SFMBT1: variants seen among roughly 807,000 people sequenced by gnomAD.
The protein encoded by SFMBT1 is Scm like with four mbt domains 1, also known as scm-like with four MBT domains protein 1.
A neutral mutation model predicts 108.7 loss-of-function variants in SFMBT1; 32 were observed. The ratio of observed to expected loss-of-function variants is 0.29; its 90% CI spans 0.22 to 0.40. The LOEUF is 0.40. Ranked by LOEUF, SFMBT1 falls within the 10% of genes least tolerant of loss-of-function variation. The probability of loss-of-function intolerance (pLI) is 1.00; values close to 1 mark genes in which losing one functional copy is unlikely to be tolerated. For missense variants in SFMBT1, 816 were observed against 1,059.6 expected, an observed-to-expected ratio of 0.77 and a Z score of 3.19; for synonymous variants, 348 against 369.5, an observed-to-expected ratio of 0.94 and a Z score of 0.67.
chr3:52,953,383 G>A (rs903414792), intron 3 of SFMBT1, among the ~76,000 whole-genome samples: 1 of 151,608 alleles, frequency 6.6e-6, no homozygotes, highest in African/African-American at 2.4e-5. Flanking sequence ...AGCCCAGGGG[G>A]TTGAGGCTGC....
intron 7 of SFMBT1, 130 bp from the exon 8 acceptor site, chr3:52,930,560 G>A (rs1350716009): frequency 3.3e-6 from 2 of 613,444 alleles, no homozygotes; most frequent in South Asian, 2.2e-5. Context: ...TTTTAAATGT[G>A]CAAAACTATC....
chr3:52,920,475 G>T, intron 12 of SFMBT1, 62 bp downstream of exon 12: 2 of 1,212,976 alleles, frequency 1.6e-6, no homozygotes, highest in Non-Finnish European at 2.4e-6. Context: ...AGTTTTAATT[G>T]GCAGCAGCCA....
intron 1 of SFMBT1, among the ~76,000 whole-genome samples, chr3:52,973,527 T>C (rs1704417790): frequency 6.6e-6 from 1 of 152,174 alleles, no homozygotes; most frequent in Non-Finnish European, 1.5e-5. Flanking sequence ...TTTTAAGTGG[T>C]ACATCAATAT....
intron 1 of SFMBT1, among the ~76,000 whole-genome samples, chr3:52,984,343 T>C (rs1333997862): frequency 6.6e-6 from 1 of 152,116 alleles, no homozygotes; most frequent in Non-Finnish European, 1.5e-5. Context: ...TCACCCACGA[T>C]GCTTCATTTG....
intron 19 of SFMBT1, 64 bp from the exon 20 acceptor site, chr3:52,906,305 C>T: frequency 6.2e-7 from 1 of 1,609,800 alleles, no homozygotes; most frequent in South Asian, 1.1e-5. Context: ...AAAAAAGTCT[C>T]TCTACCTAAA....
intron 1 of SFMBT1, among the ~76,000 whole-genome samples, chr3:53,000,066 G>T (rs1218655899): frequency 1.3e-5 from 2 of 149,902 alleles, no homozygotes; most frequent in Admixed American, 6.7e-5. Context: ...GTTTCACCGT[G>T]TTAGCCAGGA....
chr3:52,981,766 C>T (rs190562842), intron 1 of SFMBT1, among the ~76,000 whole-genome samples: 1 of 151,880 alleles, frequency 6.6e-6, no homozygotes, highest in Non-Finnish European at 1.5e-5. Context: ...GAAGAAAGTA[C>T]CCGGATTTAA....
chr3:53,015,266 T>C (rs1317325005), intron 1 of SFMBT1, among the ~76,000 whole-genome samples: 2 of 144,186 alleles, frequency 1.4e-5, no homozygotes, highest in Non-Finnish European at 3.1e-5. Context: ...CAATTAAAGC[T>C]ACAAGAATGG....
At chr3:52,959,866 T>C (rs1489464811) in intron 2 of SFMBT1, among the ~76,000 whole-genome samples, 1 of 152,126 alleles carries the variant, frequency 6.6e-6, no homozygotes, top group East Asian at 1.9e-4. Context: ...GTTGTTGTTG[T>C]TGTTGTTGTT....
chr3:52,913,727 T>C, intron 14 of SFMBT1, 110 bp from the exon 15 acceptor site: 1 of 1,182,682 alleles, frequency 8.5e-7, no homozygotes, highest in South Asian at 1.6e-5. Flanking sequence ...TATATTAATA[T>C]AAAGTTTGGA....
At chr3:52,987,100 C>T (rs919357687) in intron 1 of SFMBT1, among the ~76,000 whole-genome samples, 9 of 152,218 alleles carry the variant, frequency 5.9e-5, no homozygotes, top group African/African-American at 2.2e-4. Flanking sequence ...ACATCCTGTC[C>T]CACTGGAAGA....
chr3:53,028,811 G>A (rs1487951103), intron 1 of SFMBT1, among the ~76,000 whole-genome samples: 2 of 152,182 alleles, frequency 1.3e-5, no homozygotes, highest in Non-Finnish European at 2.9e-5. Flanking sequence ...AAGTGCACAA[G>A]TACTCTCAGA....
intron 1 of SFMBT1, among the ~76,000 whole-genome samples, chr3:52,993,511 G>A (rs1408476161): frequency 6.7e-6 from 1 of 149,754 alleles, no homozygotes; most frequent in Non-Finnish European, 1.5e-5. Flanking sequence ...ATAATTCTAG[G>A]CTAATCAATT....
intron 3 of SFMBT1, among the ~76,000 whole-genome samples, chr3:52,951,715 G>T (rs901009279): frequency 1.3e-5 from 2 of 152,236 alleles, no homozygotes; most frequent in Non-Finnish European, 1.5e-5. Flanking sequence ...TGCCCTTAAA[G>T]ACACAGATTG....
chr3:52,925,931 G>A (rs1702643952), intron 10 of SFMBT1, 100 bp downstream of exon 10: 1 of 1,071,960 alleles, frequency 9.3e-7, no homozygotes, highest in African/African-American at 1.6e-5. Flanking sequence ...TCTGGATTAA[G>A]TGAGATGATT....
chr3:53,022,037 G>A (rs991676872), intron 1 of SFMBT1, among the ~76,000 whole-genome samples: 29 of 152,166 alleles, frequency 1.9e-4, no homozygotes, highest in African/African-American at 6.7e-4. Context: ...TCTAGAATTC[G>A]TCTATGGCAT....
chr3:53,036,200 AG>A (rs1263503657), intron 1 of SFMBT1, among the ~76,000 whole-genome samples: 1 of 152,238 alleles, frequency 6.6e-6, no homozygotes, highest in African/African-American at 2.4e-5. Context: ...CCCAAGAGCC[AG>A]CCGCCAGTCC....
At chr3:53,008,886 C>T (rs990380974) in intron 1 of SFMBT1, among the ~76,000 whole-genome samples, 15 of 151,952 alleles carry the variant, frequency 9.9e-5, no homozygotes, top group African/African-American at 3.4e-4. Context: ...GTGCCCACCT[C>T]GGCCTCCCAA....
At chr3:52,979,834 C>T (rs550414607) in intron 1 of SFMBT1, among the ~76,000 whole-genome samples, 2 of 152,300 alleles carry the variant, frequency 1.3e-5, no homozygotes, top group East Asian at 3.9e-4. Context: ...ATTTTGAAAC[C>T]TGCCCTCACG....
Sources: gnomAD v4.1 joint callset for allele counts (sites outside exome capture counted in the v4.1 genomes callset) on GRCh38, gnomAD v4.1.1 for gene constraint, MANE v1.5 for transcripts, NCBI Gene and HGNC (gene_info 2026-07-23, HGNC 2026-07-21) for gene names.